FNDC5: variants seen among roughly 807,000 people sequenced by gnomAD.
FNDC5 encodes the protein fibronectin type III domain containing 5, also known as fibronectin type III domain-containing protein 5.
A neutral mutation model predicts 24.6 loss-of-function variants in FNDC5; 10 were observed. That is an observed-to-expected ratio of 0.41 (90% confidence interval 0.25 to 0.69). The LOEUF is 0.69. FNDC5 is among the 30% of genes least tolerant of loss of function. The pLI, the probability that FNDC5 is intolerant of heterozygous loss-of-function variation, is 0.34. For synonymous variants in FNDC5, 90 were observed against 110.7 expected, an observed-to-expected ratio of 0.81 and a Z score of 1.18; for missense variants, 226 against 282.9, an observed-to-expected ratio of 0.80 and a Z score of 1.44.
intron 5 of FNDC5, 142 bp from the exon 6 acceptor site, chr1:32,864,441 C>CTTT: frequency 8.8e-6 from 12 of 1,364,094 alleles, no homozygotes; most frequent in South Asian, 1.6e-5. Context: ...CCACTCACTG[C>CTTT]TTTTTTTTTT....
intron 1 of FNDC5, among the ~76,000 whole-genome samples, chr1:32,869,225 G>T (rs1278007497): frequency 6.6e-6 from 1 of 152,264 alleles, no homozygotes; most frequent in Non-Finnish European, 1.5e-5. Context: ...GCCCCTGCTG[G>T]CCACAGGCCG....
intron 4 of FNDC5, among the ~76,000 whole-genome samples, chr1:32,865,761 A>G (rs1470959215): frequency 6.6e-6 from 1 of 152,170 alleles, no homozygotes; most frequent in African/African-American, 2.4e-5. Context: ...GTGCACTGAC[A>G]TATTCTATCT....
chr1:32,864,320 T>C, intron 5 of FNDC5, 21 bp from the exon 6 acceptor site: 1 of 1,613,754 alleles, frequency 6.2e-7, no homozygotes, highest in South Asian at 1.1e-5. Context: ...GAAGAGGAAA[T>C]GAAGGTACAG....
intron 1 of FNDC5, 31 bp downstream of exon 1, chr1:32,870,622 G>A: frequency 8.4e-7 from 1 of 1,184,676 alleles, no homozygotes; most frequent in Non-Finnish European, 1.0e-6. Context: ...AGCCTGCCCC[G>A]GCGCCGGCCC....
Position 32,862,763 on chromosome 1 carries a change from C to T in FNDC5, c.*1531G>A, listed in dbSNP as rs1640990417. On this transcript the variant is annotated 3_prime_UTR_variant, in exon 6 of 6. Transcript: ENST00000373471. ...CTCGTCAGTCCTAGGGAAGAGTCTA[C>T]CTTCCCTCATCAAGCACCATTTTTT... 6.6e-6 allele frequency: 1 copy of T among 152,538 alleles called. No homozygotes were observed. Among genetic ancestry groups the T allele is most frequent in the African/African-American group, 2.4e-5 (1 of 41,418 alleles). The allele number at this position is 152,538 out of a possible 1,614,324, so 9.4% of individuals were successfully genotyped here.
chr1:32,869,045 C>T (rs993141250), intron 1 of FNDC5, 48 bp from the exon 2 acceptor site: 21 of 1,065,898 alleles, frequency 2.0e-5, no homozygotes, highest in Middle Eastern at 6.8e-4. Context: ...TATTGTGAGG[C>T]CCAGACCCAC....
chr1:32,867,731 A>C, intron 4 of FNDC5, 22 bp downstream of exon 4: 1 of 1,608,348 alleles, frequency 6.2e-7, no homozygotes, highest in Non-Finnish European at 8.5e-7. Flanking sequence ...GGGAAGAAGA[A>C]GGTCTCGGAG....
rs137888693 is a variant in FNDC5, at chr1:32,867,800, C to A, written c.452G>T (p.Arg151Leu). ...GACGATGATCAGCACCTCGCCTGTC[C>A]GCAGCTGTTGGTTCCTCCCCATCTC... The change falls in exon 4 of 6, where the codon CGG becomes CTG. Residue 151 changes from arginine (R) to leucine (L), a missense_variant. Arg to Leu is a moderately radical substitution (Grantham distance 102, BLOSUM62 -2). Coordinates refer to ENST00000373471, the MANE Select transcript of FNDC5 (RefSeq NM_153756.3). The A allele has an allele frequency of 4.3e-6, 7 of 1,613,914 alleles. No homozygotes were observed. Among genetic ancestry groups the A allele is most frequent in the Non-Finnish European group, 5.9e-6 (7 of 1,180,004 alleles).
intron 1 of FNDC5, among the ~76,000 whole-genome samples, chr1:32,869,795 G>A (rs1641143869): frequency 6.6e-6 from 1 of 152,152 alleles, no homozygotes; most frequent in Admixed American, 6.5e-5. Flanking sequence ...GAGGGGCAGT[G>A]CAGTCACATA....
At chr1:32,865,776 T>C (rs1641060250) in intron 4 of FNDC5, among the ~76,000 whole-genome samples, 1 of 152,176 alleles carries the variant, frequency 6.6e-6, no homozygotes, top group African/African-American at 2.4e-5. Context: ...CTATCTCACT[T>C]AATCCTCACA....
Position 32,868,240 on chromosome 1 carries a change from A to G in FNDC5, c.359T>C (p.Val120Ala). Reference sequence around the variant, plus strand: ...AGCCTCACGCGGGGTCTTGAAGAGCACAGGCTCGCTGGCTGGGCTCTGGCC... The same window carrying G: ...AGCCTCACGCGGGGTCTTGAAGAGCGCAGGCTCGCTGGCTGGGCTCTGGCC... The change falls in exon 3 of 6, where the codon GTG (valine) becomes GCG (alanine). Residue 120 changes from valine (V) to alanine (A), a missense_variant. Coordinates refer to ENST00000373471, the MANE Select transcript of FNDC5 (RefSeq NM_153756.3). This position sits in a 1 kb window ranked among gnomAD's most constrained non-coding sequence, Gnocchi z 4.8. 1 of 1,614,160 alleles carries G rather than the reference A, an allele frequency of 6.2e-7. No homozygotes were observed. Among genetic ancestry groups the G allele is most frequent in the South Asian group, 1.1e-5 (1 of 91,080 alleles).
upstream of FNDC5, chr1:32,871,030 G>T (rs1160881120): frequency 6.8e-6 from 1 of 147,636 alleles, no homozygotes; most frequent in Admixed American, 6.7e-5. Context: ...CCCCACTCCC[G>T]CCCCCGCTGC....
chr1:32,867,280 G>T (rs1261949835), intron 4 of FNDC5, among the ~76,000 whole-genome samples: 2 of 152,128 alleles, frequency 1.3e-5, no homozygotes, highest in South Asian at 4.2e-4. Flanking sequence ...CTAATGGATG[G>T]ATTGAGGGAG....
intron 4 of FNDC5, among the ~76,000 whole-genome samples, chr1:32,866,618 A>C (rs1312888922): frequency 2.0e-5 from 3 of 152,180 alleles, no homozygotes; most frequent in East Asian, 3.9e-4. Context: ...TTTCTAACCC[A>C]CAGTTATTCC....
chr1:32,869,609 G>A (rs1641139828), intron 1 of FNDC5, among the ~76,000 whole-genome samples: 1 of 152,166 alleles, frequency 6.6e-6, no homozygotes, highest in Non-Finnish European at 1.5e-5. Flanking sequence ...AGATGCAGGT[G>A]GGGAGGTGGC....
intron 4 of FNDC5, among the ~76,000 whole-genome samples, chr1:32,865,246 T>C (rs535621214): frequency 1.1e-4 from 16 of 151,918 alleles, no homozygotes; most frequent in Non-Finnish European, 2.4e-4. Flanking sequence ...ATTACAGGTA[T>C]GCGCCACCAC....
rs574690918 is a variant in FNDC5 at position 32,863,809 on chromosome 1, C to A, written c.*485G>T. 8 of 1,304,708 alleles carry A rather than the reference C, an allele frequency of 6.1e-6. No individual in the cohort carries two copies. The Admixed American group carries it at 6.9e-5, about 11-fold the overall frequency. 80.8% of individuals were successfully genotyped at this position (1,304,708 alleles called of 1,614,324 possible). ...GAAAAAAATGAGAGAAGCAGCCAGGCCTAATTGTGAATAGCCTTCTTGCAA... is the reference window on the plus strand; with the variant it reads ...GAAAAAAATGAGAGAAGCAGCCAGGACTAATTGTGAATAGCCTTCTTGCAA... On this transcript the variant is annotated 3_prime_UTR_variant, in exon 6 of 6. Coordinates refer to ENST00000373471, the MANE Select transcript of FNDC5 (RefSeq NM_153756.3).
At chr1:32,866,192 A>T (rs978510367) in intron 4 of FNDC5, among the ~76,000 whole-genome samples, 1 of 152,168 alleles carries the variant, frequency 6.6e-6, no homozygotes, top group Non-Finnish European at 1.5e-5. Context: ...TGTTATGATT[A>T]TATAAATACT....
At chr1:32,865,423 A>G (rs975157545) in intron 4 of FNDC5, among the ~76,000 whole-genome samples, 5 of 150,420 alleles carry the variant, frequency 3.3e-5, no homozygotes, top group African/African-American at 9.7e-5. Flanking sequence ...GGAGGCCAAC[A>G]TGGGTGGATC....
Sources: allele counts gnomAD v4.1 joint callset (sites outside exome capture counted in the v4.1 genomes callset), GRCh38; gene constraint gnomAD v4.1.1; non-coding constraint Gnocchi (gnomAD v3.1); transcripts MANE v1.5; gene names NCBI Gene and HGNC (gene_info 2026-07-23, HGNC 2026-07-21).